SH3TC2: variants seen among roughly 807,000 people sequenced by gnomAD.
SH3TC2 encodes the protein SH3 domain and tetratricopeptide repeats 2, also known as SH3 domain and tetratricopeptide repeat-containing protein 2.
Under a neutral mutation model 124.5 loss-of-function variants are expected in SH3TC2, and 87 were observed. The ratio of observed to expected loss-of-function variants is 0.70; its 90% CI spans 0.59 to 0.84. The LOEUF is 0.84. Ranked by LOEUF, SH3TC2 falls within the 40% of genes least tolerant of loss-of-function variation. The probability of loss-of-function intolerance (pLI) is 0.00; values close to 1 mark genes in which losing one functional copy is unlikely to be tolerated. For missense variants in SH3TC2, 1,536 were observed against 1,566.4 expected (o/e 0.98, Z 0.33); for synonymous variants, 634 against 628.5 (o/e 1.01, Z -0.13).
chr5:148,994,600 ATGGTTGGTTGGTTGGTTGGTTGGTTGGT>A lies in SH3TC2; in HGVS notation c.*10083_*10110del, dbSNP rs57301725. On this transcript the variant is annotated 3_prime_UTR_variant, in exon 17 of 17. Coordinates refer to ENST00000515425, the MANE Select transcript of SH3TC2 (RefSeq NM_024577.4). ...GGTATGTGGGTGGTTGGGTGGTTAG[ATGGTTGGTTGGTTGGTTGGTTGGTTGGT>A]TGGTTGGTTGGTTGGTTGGTTGGTT... Among the ~76,000 whole-genome samples, 2 of 140,560 alleles carry A rather than the reference ATGGTTGGTTGGTTGGTTGGTTGGTTGGT, an allele frequency of 1.4e-5. No individual in the cohort carries two copies. Among genetic ancestry groups the A allele is most frequent in the Non-Finnish European group, 3.1e-5 (2 of 64,832 alleles). 92.2% of individuals were successfully genotyped at this position (140,560 alleles called of 152,430 possible).
rs1754371089 is a variant in SH3TC2 at position 149,041,509 on chromosome 5, G to A, written c.638C>T (p.Ala213Val). 1 of 1,614,218 alleles carries A rather than the reference G, an allele frequency of 6.2e-7. No homozygotes were observed. Among genetic ancestry groups the A allele is most frequent in the Non-Finnish European group, 8.5e-7 (1 of 1,180,036 alleles). The change falls in exon 6 of 17, where the codon GCT becomes GTT. Residue 213 changes from alanine to valine, a missense_variant. Physicochemically the swap from Ala to Val is moderately conservative, Grantham distance 64. Around this residue, in one of 3 missense-constraint regions of SH3TC2, gnomAD observed 1,102 missense variants for 1,098.6 expected, o/e 1.00. Transcript: ENST00000515425. ...NELISVKMAE[A>V]GSELEGVSLV... ...AGACACGCCTTCCAACTCGGAGCCA[G>A]CTTCTGCCATCTTCACTGAGATTAA...
chr5:149,017,765 C>T (rs1457245720), intron 12 of SH3TC2, among the ~76,000 whole-genome samples: 1 of 152,158 alleles, frequency 6.6e-6, no homozygotes, highest in African/African-American at 2.4e-5. Flanking sequence ...CCTTCCACAC[C>T]TATTTCTTTT....
At chr5:149,038,245 C>T (rs1754315022) in intron 8 of SH3TC2, 50 bp downstream of exon 8, 1 of 1,593,300 alleles carries the variant, frequency 6.3e-7, no homozygotes, top group Non-Finnish European at 8.6e-7. Context: ...GGGGAGGGAA[C>T]CCTGGGAAAG....
chr5:149,005,297 A>G (rs1338800503), intron 16 of SH3TC2, among the ~76,000 whole-genome samples: 1 of 152,126 alleles, frequency 6.6e-6, no homozygotes, highest in Non-Finnish European at 1.5e-5. Flanking sequence ...TCAGAGGTGG[A>G]CTTGAACCTG....
rs755754277 is a variant in SH3TC2, at chr5:149,042,787, G to A, written c.436C>T (p.Leu146Phe). 98 of 1,613,962 alleles carry A rather than the reference G, an allele frequency of 6.1e-5. No homozygotes were observed. Among genetic ancestry groups the A allele is most frequent in the Non-Finnish European group, 8.2e-5 (97 of 1,180,010 alleles). The stretch of plus-strand genomic sequence containing the variant: ...GTATCCTCCACCAATATGCAGTTGA[G>A]CCAGTACTTGTGGTCAAAGAGGAGA... ...EHLLFDHKYW[L>F]NCILVEDTEI... is the part of the protein sequence containing the mutation. Residue 146 changes from leucine (L) to phenylalanine (F), a missense_variant, in exon 5 of 17, where the codon CTC becomes TTC. Transcript: ENST00000515425.
chr5:149,005,078 T>C (rs1297872241), intron 16 of SH3TC2, among the ~76,000 whole-genome samples, 176 bp from the exon 17 acceptor site: 1 of 152,188 alleles, frequency 6.6e-6, no homozygotes, highest in Non-Finnish European at 1.5e-5. Context: ...CCCTCCACTG[T>C]GGTCCTTGGG....
chr5:149,000,217 C>A lies in SH3TC2; in HGVS notation c.*4494G>T, dbSNP rs566283234. On this transcript the variant is annotated 3_prime_UTR_variant, in exon 17 of 17. Transcript: ENST00000515425. Reference sequence around the variant, plus strand: ...TTCCTGTCACCCAGCTGAATCCCCACTTCCCTGAAATGTGTGCCCAAACCT... The same window carrying A: ...TTCCTGTCACCCAGCTGAATCCCCAATTCCCTGAAATGTGTGCCCAAACCT... Among the ~76,000 whole-genome samples the A allele has an allele frequency of 6.6e-6, 1 of 152,208 alleles. No homozygotes were observed. Among genetic ancestry groups the A allele is most frequent in the Non-Finnish European group, 1.5e-5 (1 of 68,036 alleles).
rs1470585539 is a variant in SH3TC2, at chr5:148,998,500, G to A, written c.*6211C>T. Reference sequence around the variant, plus strand: ...TCAAAGAGCCTCATCCCTCAAGCTAGTGTGATGCCCTGGATAAGGAGTCAA... The same window carrying A: ...TCAAAGAGCCTCATCCCTCAAGCTAATGTGATGCCCTGGATAAGGAGTCAA... On this transcript the variant is annotated 3_prime_UTR_variant, in exon 17 of 17. Transcript: ENST00000515425. Among the ~76,000 whole-genome samples, 1 of 152,202 alleles carries A rather than the reference G, an allele frequency of 6.6e-6. No individual in the cohort carries two copies. Among genetic ancestry groups the A allele is most frequent in the Non-Finnish European group, 1.5e-5 (1 of 68,038 alleles).
At chr5:149,023,583 C>CTTTTT (rs5872108) in intron 12 of SH3TC2, among the ~76,000 whole-genome samples, 2 of 107,246 alleles carry the variant, frequency 1.9e-5, no homozygotes, top group Admixed American at 1.0e-4. Context: ...TAGTGTAATC[C>CTTTTT]TTTTTTTTTT....
At position 148,997,346 on chromosome 5, in the gene SH3TC2, A is replaced by G. The variant is rs1463693230; in HGVS notation, c.*7365T>C. Among the ~76,000 whole-genome samples the G allele has an allele frequency of 6.6e-6, 1 of 152,192 alleles. No individual in the cohort carries two copies. Among genetic ancestry groups the G allele is most frequent in the African/African-American group, 2.4e-5 (1 of 41,442 alleles). ...CTTCAAAACATAACTTACTGATCTT[A>G]TAATTTGTTTTGACCAATCACTACT... On this transcript the variant is annotated 3_prime_UTR_variant, in exon 17 of 17. Transcript: ENST00000515425.
At chr5:149,031,502 C>T in intron 9 of SH3TC2, 52 bp downstream of exon 9, 3 of 1,612,876 alleles carry the variant, frequency 1.9e-6, no homozygotes, top group African/African-American at 1.3e-5. Flanking sequence ...GGGACACTAT[C>T]TTATTCTTGA....
At position 149,026,877 on chromosome 5, in the gene SH3TC2, C is replaced by A. The variant is rs1276208036; in HGVS notation, c.2855G>T (p.Arg952Met). 1 of 1,614,140 alleles carries A rather than the reference C, an allele frequency of 6.2e-7. No individual in the cohort carries two copies. Among genetic ancestry groups the A allele is most frequent in the Non-Finnish European group, 8.5e-7 (1 of 1,180,032 alleles). Residue 952 changes from arginine (R) to methionine (M), a missense_variant, in exon 11 of 17, where the codon AGG becomes ATG. This residue lies in a region of SH3TC2 where 426 missense variants were observed against 443.5 expected (regional missense o/e 0.96). Transcript: ENST00000515425. ...ATACTTACTCTTTAGATGTCGATGCCTTAAGCCAAACAGCAATGCCATTTC... is the reference window on the plus strand; with the variant it reads ...ATACTTACTCTTTAGATGTCGATGCATTAAGCCAAACAGCAATGCCATTTC... ...CYEMALLFGL[R>M]HRHLKSQLQA...
At position 148,985,930 on chromosome 5, in the gene SH3TC2, G is replaced by T. The variant is rs1337378581; in HGVS notation, c.*18781C>A. 6.6e-6 allele frequency among the ~76,000 whole-genome samples: 1 copy of T among 152,154 alleles called. No homozygotes were observed. Among genetic ancestry groups the T allele is most frequent in the African/African-American group, 2.4e-5 (1 of 41,436 alleles). On this transcript the variant is annotated 3_prime_UTR_variant, in exon 17 of 17. Transcript: ENST00000515425. ...AAAAGACTTCATGTCTGTGCTGGGAGCAAAGTAACCTATAGATACCACTCG... is the reference window on the plus strand; with the variant it reads ...AAAAGACTTCATGTCTGTGCTGGGATCAAAGTAACCTATAGATACCACTCG...
intron 1 of SH3TC2, among the ~76,000 whole-genome samples, chr5:149,060,374 C>T (rs1349650752): frequency 1.3e-5 from 2 of 152,182 alleles, no homozygotes; most frequent in Non-Finnish European, 2.9e-5. Flanking sequence ...CATGTGCAGT[C>T]CCCCCTGATT....
chr5:149,056,222 C>T lies in SH3TC2; in HGVS notation c.53-3982G>A, dbSNP rs151261541. On this transcript the variant is annotated intron_variant, in intron 1 of 16. Transcript: ENST00000515425. ...TATTTCATCAGCCAGGTATGAAGCTCAGTACCCAATAGTGATCTTTTCTGC... is the reference window on the plus strand; with the variant it reads ...TATTTCATCAGCCAGGTATGAAGCTTAGTACCCAATAGTGATCTTTTCTGC... Among the ~76,000 whole-genome samples, 127 of 152,178 alleles carry T rather than the reference C, an allele frequency of 8.3e-4. 1 individual carries two copies. The East Asian group carries it at 0.023, about 28-fold the overall frequency.
rs1031745093 is a variant in SH3TC2, at chr5:149,000,495, C to T, written c.*4216G>A. ...TGTATTTGCCATTATTTACATAATT[C>T]TGTTTATGGAAAACAATACAAGTTT... On this transcript the variant is annotated 3_prime_UTR_variant, in exon 17 of 17. Transcript: ENST00000515425. Among the ~76,000 whole-genome samples the T allele has an allele frequency of 2.6e-5, 4 of 152,162 alleles. No individual in the cohort carries two copies. The South Asian group carries it at 8.3e-4, about 32-fold the overall frequency.
Position 148,993,789 on chromosome 5 carries a change from T to C in SH3TC2, c.*10922A>G, listed in dbSNP as rs1022257882. ...AGCCAAGCATCTAGCCCAGATTACA[T>C]TCCTCTAAGCATGCCTTAACCCCAC... On this transcript the variant is annotated 3_prime_UTR_variant, in exon 17 of 17. Transcript: ENST00000515425. Among the ~76,000 whole-genome samples the C allele has an allele frequency of 1.3e-5, 2 of 152,184 alleles. No homozygotes were observed. Among genetic ancestry groups the C allele is most frequent in the African/African-American group, 4.8e-5 (2 of 41,448 alleles).
chr5:149,033,223 G>C (rs73795755), intron 8 of SH3TC2, among the ~76,000 whole-genome samples: 5 of 152,008 alleles, frequency 3.3e-5, no homozygotes, highest in African/African-American at 9.7e-5. Flanking sequence ...CTGAGTTCCA[G>C]GACAACTTAC....
Position 149,016,797 on chromosome 5 carries a change from C to T in SH3TC2, c.3054-4063G>A, listed in dbSNP as rs866231470. Among the ~76,000 whole-genome samples the T allele has an allele frequency of 1.8e-4, 27 of 151,746 alleles. No individual in the cohort carries two copies. The South Asian group carries it at 1.9e-3, about 11-fold the overall frequency. On this transcript the variant is annotated intron_variant, in intron 12 of 16. Transcript: ENST00000515425. The stretch of plus-strand genomic sequence containing the variant: ...AAAATTAGCCGGGCGTGGTGGCGGG[C>T]GCCTGTAGTCCCAGCTACTTGGGAG...
Sources: allele counts gnomAD v4.1 joint callset (sites outside exome capture counted in the v4.1 genomes callset), GRCh38; gene constraint gnomAD v4.1.1; regional missense constraint gnomAD v4.1.1; transcripts MANE v1.5; gene names NCBI Gene and HGNC (gene_info 2026-07-23, HGNC 2026-07-21).